The following MAP2K4 variants were observed in gnomAD, a reference collection of about 807,000 sequenced individuals.
MAP2K4 encodes the protein mitogen-activated protein kinase kinase 4, also known as dual specificity mitogen-activated protein kinase kinase 4.
MAP2K4 carries 4 observed loss-of-function variants against 48.5 expected under a neutral mutation model. The ratio of observed to expected loss-of-function variants is 0.08; its 90% CI spans 0.04 to 0.19. MAP2K4 has a LOEUF of 0.19. Ranked by LOEUF, MAP2K4 falls within the 10% of genes least tolerant of loss-of-function variation. The pLI, the probability that MAP2K4 is intolerant of heterozygous loss-of-function variation, is 1.00. For synonymous variants in MAP2K4, 166 were observed against 173.1 expected, an observed-to-expected ratio of 0.96 and a Z score of 0.32; for missense variants, 258 against 493.3, an observed-to-expected ratio of 0.52 and a Z score of 4.52.
At chr17:12,050,589 A>G (rs1024066500) in intron 1 of MAP2K4, among the ~76,000 whole-genome samples, 1 of 150,152 alleles carries the variant, frequency 6.7e-6, no homozygotes, top group African/African-American at 2.5e-5. Context: ...TAGATTTTGT[A>G]TTGAGTAGTG....
At position 12,141,284 on chromosome 17, in the gene MAP2K4, G is replaced by GA; in HGVS notation, c.*30dup. The GA allele has an allele frequency of 6.6e-7, 1 of 1,515,696 alleles. No individual in the cohort carries two copies. Among genetic ancestry groups the GA allele is most frequent in the East Asian group, 2.3e-5 (1 of 44,412 alleles). 93.9% of individuals were successfully genotyped at this position (1,515,696 alleles called of 1,614,324 possible). Reference sequence around the variant, plus strand: ...GATATCGCTGCTACATCAGACTCTAGAAAAAAGGGCTGAGAGGAAGCAAGA... The same window carrying GA: ...GATATCGCTGCTACATCAGACTCTAGAAAAAAAGGGCTGAGAGGAAGCAAGA... On this transcript the variant is annotated 3_prime_UTR_variant, in exon 11 of 11. Coordinates refer to ENST00000353533, the MANE Select transcript of MAP2K4 (RefSeq NM_003010.4).
At position 12,141,189 on chromosome 17, in the gene MAP2K4, G is replaced by A; in HGVS notation, c.1129G>A (p.Val377Ile). The A allele has an allele frequency of 6.2e-7, 1 of 1,613,858 alleles. No individual in the cohort carries two copies. ...ILMYEERAVE[V>I]ACYVCKILDQ... ...GATGTATGAAGAACGTGCCGTTGAG[G>A]TCGCATGCTATGTTTGTAAAATCCT... Residue 377 changes from valine to isoleucine, a missense_variant, in exon 11 of 11, where the codon GTC becomes ATC. Val to Ile is a conservative substitution (Grantham distance 29). This residue lies in a region of MAP2K4 where 57 missense variants were observed against 84.3 expected (regional missense o/e 0.68). Coordinates refer to ENST00000353533, the MANE Select transcript of MAP2K4 (RefSeq NM_003010.4).
chr17:12,090,319 G>A (rs978700392), intron 3 of MAP2K4, among the ~76,000 whole-genome samples: 2 of 152,064 alleles, frequency 1.3e-5, no homozygotes, highest in African/African-American at 2.4e-5. Flanking sequence ...GGCAGGCCCT[G>A]GTGCTTTGGG....
intron 7 of MAP2K4, among the ~76,000 whole-genome samples, chr17:12,122,185 C>T (rs759368470): frequency 2.7e-4 from 41 of 152,350 alleles, no homozygotes; most frequent in Non-Finnish European, 4.4e-4. Flanking sequence ...TTCACCTTAT[C>T]TTATTTAAGT....
At position 12,113,275 on chromosome 17, in the gene MAP2K4, T is replaced by C. The variant is rs1160578914; in HGVS notation, c.728T>C (p.Ile243Thr). ...ATTCTTCTGGACAGAAGTGGAAATA[T>C]TAAGCTCTGTGACTTCGGCATCAGT... ...SNILLDRSGN[I>T]KLCDFGISGQ... Residue 243 changes from isoleucine to threonine, a missense_variant, in exon 7 of 11, where the codon ATT becomes ACT. By Grantham distance (89) the Ile-to-Thr change is moderately conservative (BLOSUM62 -1). This residue lies in a region of MAP2K4 where 132 missense variants were observed against 352.8 expected (regional missense o/e 0.37). Transcript: ENST00000353533. 1.9e-6 allele frequency: 3 copies of C among 1,613,698 alleles called. No homozygotes were observed. The highest frequency in any genetic ancestry group is 1.3e-5 in the African/African-American group (1 of 74,928).
intron 2 of MAP2K4, among the ~76,000 whole-genome samples, chr17:12,072,729 A>C (rs1970857938): frequency 6.6e-6 from 1 of 152,236 alleles, no homozygotes; most frequent in Admixed American, 6.5e-5. Flanking sequence ...CCTAGATTTC[A>C]GGTCTTTGTG....
intron 2 of MAP2K4, chr17:12,069,645 T>C: frequency 1.0e-6 from 1 of 981,068 alleles, no homozygotes; most frequent in Non-Finnish European, 1.2e-6. Context: ...AGTTTTTCCT[T>C]TTGCCTCATC....
chr17:12,139,638 C>T (rs1300243392), intron 9 of MAP2K4, among the ~76,000 whole-genome samples: 1 of 152,144 alleles, frequency 6.6e-6, no homozygotes, highest in Non-Finnish European at 1.5e-5. Flanking sequence ...CCTACACTGA[C>T]TATCCTAGAG....
At chr17:12,108,330 T>C (rs1972192317) in intron 5 of MAP2K4, among the ~76,000 whole-genome samples, 2 of 152,106 alleles carry the variant, frequency 1.3e-5, no homozygotes, top group African/African-American at 2.4e-5. Flanking sequence ...TTTTGGTTAC[T>C]CCATAATTGA....
At chr17:12,089,662 T>A (rs1030646400) in intron 3 of MAP2K4, among the ~76,000 whole-genome samples, 2 of 152,182 alleles carry the variant, frequency 1.3e-5, no homozygotes, top group African/African-American at 4.8e-5. Context: ...TCTCCTACTC[T>A]GCTCTTACTG....
chr17:12,116,778 CT>C (rs1444849679), intron 7 of MAP2K4, among the ~76,000 whole-genome samples: 1 of 152,142 alleles, frequency 6.6e-6, no homozygotes, highest in Non-Finnish European at 1.5e-5. Flanking sequence ...TCAATGCCTT[CT>C]TTGTAATACC....
chr17:12,113,135 A>G (rs1972362954), intron 6 of MAP2K4, 98 bp from the exon 7 acceptor site: 2 of 1,062,872 alleles, frequency 1.9e-6, no homozygotes, highest in African/African-American at 1.6e-5. Context: ...TTGACCACTT[A>G]TGTTGTCTAA....
At chr17:12,074,762 A>T (rs1403671586) in intron 2 of MAP2K4, among the ~76,000 whole-genome samples, 1 of 151,994 alleles carries the variant, frequency 6.6e-6, no homozygotes, top group East Asian at 1.9e-4. Context: ...CTTGTCCGCA[A>T]CTCAAGGGTA....
chr17:12,082,139 CA>C (rs1971210058), intron 3 of MAP2K4: 1 of 234,742 alleles, frequency 4.3e-6, no homozygotes, highest in Non-Finnish European at 9.2e-6. Flanking sequence ...TTAATATGTT[CA>C]TTAAAAAAAA....
At chr17:12,042,580 G>A (rs998794946) in intron 1 of MAP2K4, among the ~76,000 whole-genome samples, 13 of 152,174 alleles carry the variant, frequency 8.5e-5, no homozygotes, top group African/African-American at 1.4e-4. Context: ...GGTGAAAGCC[G>A]CAGTGAGATG....
rs1425522566 is a variant in MAP2K4 at position 12,081,555 on chromosome 17, G to A, written c.393+25G>A. Reference sequence around the variant, plus strand: ...AGTAGGTGATGCCATGATTATTTTTGGTACTTTAATCCATTAGGTGAAATT... The same window carrying A: ...AGTAGGTGATGCCATGATTATTTTTAGTACTTTAATCCATTAGGTGAAATT... On this transcript the variant is annotated intron_variant, in intron 3 of 10. Coordinates refer to ENST00000353533, the MANE Select transcript of MAP2K4 (RefSeq NM_003010.4). This position sits in a 1 kb window ranked among gnomAD's most constrained non-coding sequence, Gnocchi z 4.2. The A allele has an allele frequency of 1.2e-6, 2 of 1,610,182 alleles. No individual in the cohort carries two copies. The highest frequency in any genetic ancestry group is 1.7e-6 in the Non-Finnish European group (2 of 1,177,644).
intron 1 of MAP2K4, among the ~76,000 whole-genome samples, chr17:12,028,832 G>T (rs930987753): frequency 6.6e-6 from 1 of 152,126 alleles, no homozygotes; most frequent in Non-Finnish European, 1.5e-5. Flanking sequence ...CAACCTAGAG[G>T]AATGGGAATG....
intron 2 of MAP2K4, among the ~76,000 whole-genome samples, chr17:12,057,681 T>A (rs1970325252): frequency 6.6e-6 from 1 of 152,074 alleles, no homozygotes; most frequent in Non-Finnish European, 1.5e-5. Flanking sequence ...ACTGCCTATA[T>A]CCCCTGTATC....
rs9898769 is a variant in MAP2K4, at chr17:12,079,794, A to G, written c.219-1562A>G. Among the ~76,000 whole-genome samples the G allele has an allele frequency of 1.9e-3, 287 of 152,306 alleles. 2 individuals carry two copies. Among genetic ancestry groups the G allele is most frequent in the African/African-American group, 6.4e-3 (265 of 41,562 alleles). ...AACTTTTTTCAGGCTTAATCTGTCT[A>G]CTTCATGAAAAAGATTACCAAGAAG... On this transcript the variant is annotated intron_variant, in intron 2 of 10. Coordinates refer to ENST00000353533, the MANE Select transcript of MAP2K4 (RefSeq NM_003010.4).
Sources: gnomAD v4.1 joint callset for allele counts (sites outside exome capture counted in the v4.1 genomes callset) on GRCh38, gnomAD v4.1.1 for gene constraint, gnomAD v4.1.1 regional missense constraint, Gnocchi (gnomAD v3.1) non-coding constraint, MANE v1.5 for transcripts, NCBI Gene and HGNC (gene_info 2026-07-23, HGNC 2026-07-21) for gene names.